Variants in ZNF674 observed in about 807,000 individuals in gnomAD.
ZNF674 encodes zinc finger family member 674.
Under a neutral mutation model 7.0 loss-of-function variants are expected in ZNF674, and 2 were observed. The ratio of observed to expected loss-of-function variants is 0.29; its 90% CI spans 0.12 to 0.90. The LOEUF is 0.90. Among genes scored for constraint, ZNF674 ranks in the 40% least tolerant of loss-of-function variants. ZNF674 has a pLI of 0.57. For synonymous variants in ZNF674, 103 were observed against 145.2 expected (o/e 0.71, Z 2.09); for missense variants, 297 against 415.5 (o/e 0.71, Z 2.48).
At chrX:46,522,329 A>C (rs971219166) in intron 5 of ZNF674, among the ~76,000 whole-genome samples, 2 of 110,638 alleles carry the variant, frequency 1.8e-5, no homozygotes, top group African/African-American at 6.6e-5. Flanking sequence ...ATTATCATTA[A>C]CTATACTAGC....
chrX:46,518,651 G>A (rs969160776), intron 5 of ZNF674, among the ~76,000 whole-genome samples: 29 of 106,546 alleles, frequency 2.7e-4, no homozygotes, highest in African/African-American at 7.9e-4. Flanking sequence ...TGAGGCGGGC[G>A]GATCACGAGG....
In ZNF674 at chrX:46,501,248, G is replaced by A; in HGVS notation, c.326C>T (p.Thr109Ile). 1.7e-6 allele frequency: 2 copies of A among 1,210,937 alleles called. No individual in the cohort carries two copies. Among genetic ancestry groups the A allele is most frequent in the South Asian group, 1.8e-5 (1 of 56,967 alleles). Residue 109 changes from threonine to isoleucine, a missense_variant, in exon 6 of 6, where the codon ACA becomes ATA. Thr to Ile is a moderately conservative substitution (Grantham distance 89). Coordinates refer to ENST00000683375, the MANE Select transcript of ZNF674 (RefSeq NM_001190417.2). Reference protein sequence around the residue: ...LWQAAFIGKETLKDESGQECK... With the variant: ...LWQAAFIGKEILKDESGQECK... ...TTCTTGACCACTTTCATCCTTCAGT[G>A]TTTCCTTGCCTATGAATGCAGCTTG...
intron 2 of ZNF674, among the ~76,000 whole-genome samples, chrX:46,543,341 A>G (rs1270761986): frequency 8.9e-6 from 1 of 112,603 alleles, no homozygotes; most frequent in African/African-American, 3.2e-5. Context: ...GACAAGGAAT[A>G]TTAATTACTA....
intron 5 of ZNF674, chrX:46,527,969 T>C: frequency 4.5e-6 from 1 of 221,496 alleles, no homozygotes; most frequent in South Asian, 9.8e-5. Flanking sequence ...AATGCTGACA[T>C]TTGCATCTAG....
chrX:46,507,879 A>G (rs943966104), intron 5 of ZNF674, among the ~76,000 whole-genome samples: 3 of 112,020 alleles, frequency 2.7e-5, no homozygotes, highest in African/African-American at 9.7e-5. Flanking sequence ...TCCACCACCC[A>G]TTAAAACTAA....
In ZNF674 at chrX:46,531,376, C is replaced by T. The variant is rs780369436; in HGVS notation, c.16-2467G>A. ...AGTCAAGGGAACCCCTGATTTGTGT[C>T]CCATCAATCAGATGTATAGATGATA... On this transcript the variant is annotated intron_variant, in intron 3 of 5. Coordinates refer to ENST00000683375, the MANE Select transcript of ZNF674 (RefSeq NM_001190417.2). Among the ~76,000 whole-genome samples the T allele has an allele frequency of 9.2e-4, 103 of 112,084 alleles. 1 individual carries two copies. The highest frequency in any genetic ancestry group is 3.2e-3 in the African/African-American group (100 of 30,854).
intron 5 of ZNF674, among the ~76,000 whole-genome samples, chrX:46,511,161 A>C (rs1429669868): frequency 8.9e-6 from 1 of 112,320 alleles, no homozygotes; most frequent in Non-Finnish European, 1.9e-5. Context: ...TATCTATTAA[A>C]CATTGTACTA....
chrX:46,543,875 C>A (rs1906313197), intron 2 of ZNF674, among the ~76,000 whole-genome samples: 1 of 112,484 alleles, frequency 8.9e-6, no homozygotes, highest in Non-Finnish European at 1.9e-5. Flanking sequence ...CTAGAGACTA[C>A]TCTGAAATTC....
rs1394899813 is a variant in ZNF674, at chrX:46,500,811, C to CTT, written c.761_762dup (p.Ala255LysfsTer10). ...ATGAGGGTTGACTTCTGGCTGAAGG[C>CTT]TTTTGCACATTCGCAGCATTCATAA... is the stretch of plus-strand genomic sequence containing the variant. On this transcript the variant is annotated frameshift_variant, in exon 6 of 6. Coordinates refer to ENST00000683375, the MANE Select transcript of ZNF674 (RefSeq NM_001190417.2). LOFTEE classifies it low-confidence loss of function (END_TRUNC). 8.4e-7 allele frequency: 1 copy of CTT among 1,193,653 alleles called. No homozygotes were observed. The highest frequency in any genetic ancestry group is 3.0e-5 in the East Asian group (1 of 33,329).
chrX:46,534,510 C>A (rs777818089), intron 3 of ZNF674, among the ~76,000 whole-genome samples: 3 of 110,571 alleles, frequency 2.7e-5, no homozygotes, highest in Non-Finnish European at 5.7e-5. Context: ...TCCAGGCACA[C>A]GCCACCTCAC....
intron 3 of ZNF674, among the ~76,000 whole-genome samples, chrX:46,540,978 C>T (rs751889665): frequency 1.9e-4 from 21 of 107,947 alleles, no homozygotes; most frequent in Non-Finnish European, 3.6e-4. Context: ...ATAGGAGAAT[C>T]GCTTGAACCT....
chrX:46,514,324 A>G (rs1941720712), intron 5 of ZNF674, among the ~76,000 whole-genome samples: 1 of 111,097 alleles, frequency 9.0e-6, no homozygotes, highest in Non-Finnish European at 1.9e-5. Flanking sequence ...TATAAATGAC[A>G]GGCTGAGGCA....
At chrX:46,531,895 G>A (rs1263952992) in intron 3 of ZNF674, among the ~76,000 whole-genome samples, 2 of 111,631 alleles carry the variant, frequency 1.8e-5, no homozygotes, top group East Asian at 2.8e-4. Flanking sequence ...GGCCAGGCGC[G>A]GTGGCTCACG....
chrX:46,507,066 G>T (rs1941554106), intron 5 of ZNF674, among the ~76,000 whole-genome samples: 1 of 111,799 alleles, frequency 8.9e-6, no homozygotes, highest in Non-Finnish European at 1.9e-5. Context: ...AACAAAACAA[G>T]CCAGGAGAAG....
At chrX:46,508,746 C>T (rs1385280484) in intron 5 of ZNF674, among the ~76,000 whole-genome samples, 17 of 111,085 alleles carry the variant, frequency 1.5e-4, no homozygotes, top group Non-Finnish European at 3.0e-4. Context: ...GGAGTTCACT[C>T]GTGATTTGGT....
At chrX:46,517,491 G>A (rs1197147628) in intron 5 of ZNF674, among the ~76,000 whole-genome samples, 3 of 111,013 alleles carry the variant, frequency 2.7e-5, no homozygotes, top group African/African-American at 9.8e-5. Context: ...AAGAAGCACA[G>A]CACACCAGAA....
intron 3 of ZNF674, among the ~76,000 whole-genome samples, chrX:46,530,809 G>A (rs1313858310): frequency 8.0e-5 from 9 of 112,946 alleles, no homozygotes; most frequent in Non-Finnish European, 1.1e-4. Context: ...GACAGGATTA[G>A]AAGGTTGGGA....
At chrX:46,521,655 G>T (rs1016746550) in intron 5 of ZNF674, among the ~76,000 whole-genome samples, 5 of 109,737 alleles carry the variant, frequency 4.6e-5, no homozygotes, top group African/African-American at 1.3e-4. Flanking sequence ...CGGGGGAGGG[G>T]GGGGAGGTGG....
chrX:46,518,658 G>A (rs1332190899), intron 5 of ZNF674, among the ~76,000 whole-genome samples: 7 of 103,339 alleles, frequency 6.8e-5, no homozygotes, highest in Non-Finnish European at 1.4e-4. Flanking sequence ...GGCGGATCAC[G>A]AGGTCAGGAG....
Sources: gnomAD v4.1 joint callset for allele counts (sites outside exome capture counted in the v4.1 genomes callset) on GRCh38, gnomAD v4.1.1 for gene constraint, MANE v1.5 for transcripts, NCBI Gene and HGNC (gene_info 2026-07-23, HGNC 2026-07-21) for gene names.